The following HENMT1 variants were observed in gnomAD, a reference collection of about 807,000 sequenced individuals.
HENMT1 encodes the protein small RNA 2'-O-methyltransferase.
In HENMT1, 27 loss-of-function variants were observed where a neutral mutation model predicts 31.1. That is an observed-to-expected ratio of 0.87 (90% CI 0.64 to 1.20). The LOEUF is 1.20. Ranked by LOEUF, HENMT1 falls within the 50% of genes most tolerant of loss-of-function variation. The pLI, the probability that HENMT1 is intolerant of heterozygous loss-of-function variation, is 0.00. For synonymous variants in HENMT1, 167 were observed against 172.2 expected, an observed-to-expected ratio of 0.97 and a Z score of 0.24; for missense variants, 438 against 469.6, an observed-to-expected ratio of 0.93 and a Z score of 0.62.
chr1:108,657,169 C>T (rs1467656976), intron 3 of HENMT1, among the ~76,000 whole-genome samples: 1 of 152,150 alleles, frequency 6.6e-6, no homozygotes, highest in African/African-American at 2.4e-5. Context: ...TGCACTACAG[C>T]CTGAGGAAAC....
intron 4 of HENMT1, among the ~76,000 whole-genome samples, chr1:108,655,265 G>A (rs376241753): frequency 1.4e-3 from 209 of 152,208 alleles, no homozygotes; most frequent in African/African-American, 4.9e-3. Flanking sequence ...TGGAGCCTTG[G>A]CCTCAGTGTT....
chr1:108,652,893 G>A lies in HENMT1; in HGVS notation c.399-1684C>T, dbSNP rs187226427. 2.5e-3 allele frequency among the ~76,000 whole-genome samples: 382 copies of A among 151,686 alleles called. 1 individual carries two copies. The highest frequency in any genetic ancestry group is 8.8e-3 in the African/African-American group (365 of 41,406). On this transcript the variant is annotated intron_variant, in intron 5 of 7. Coordinates refer to ENST00000651461, the MANE Select transcript of HENMT1 (RefSeq NM_001102592.2). Reference sequence around the variant, plus strand: ...CAGGAGGCAGAGGTTGCAGTGAGCCGAGATCGCGCCATTGCACTCCAGCCC... The same window carrying A: ...CAGGAGGCAGAGGTTGCAGTGAGCCAAGATCGCGCCATTGCACTCCAGCCC...
intron 3 of HENMT1, among the ~76,000 whole-genome samples, chr1:108,656,635 C>G (rs941785737): frequency 6.6e-6 from 1 of 152,168 alleles, no homozygotes; most frequent in Non-Finnish European, 1.5e-5. Context: ...GCACGCACCA[C>G]CATGCACAGC....
chr1:108,657,171 T>C (rs1421839678), intron 3 of HENMT1, among the ~76,000 whole-genome samples: 2 of 152,166 alleles, frequency 1.3e-5, no homozygotes, highest in African/African-American at 4.8e-5. Context: ...CACTACAGCC[T>C]GAGGAAACAG....
At position 108,651,224 on chromosome 1, in the gene HENMT1, G is replaced by C. The variant is rs1189029507; in HGVS notation, c.399-15C>G. ...AATGTTCTATTCTAAAATGGTTAAT[G>C]AGAAAGACATAATAAAATCTAGCTT... is the stretch of plus-strand genomic sequence containing the variant. On this transcript the variant is annotated splice_polypyrimidine_tract_variant and intron_variant, in intron 5 of 7. Coordinates refer to ENST00000651461, the MANE Select transcript of HENMT1 (RefSeq NM_001102592.2). 6.3e-7 allele frequency: 1 copy of C among 1,594,062 alleles called. No homozygotes were observed. Among genetic ancestry groups the C allele is most frequent in the Non-Finnish European group, 8.6e-7 (1 of 1,168,648 alleles).
intron 7 of HENMT1, 25 bp downstream of exon 7, chr1:108,650,186 T>G (rs376841060): frequency 1.9e-6 from 3 of 1,607,268 alleles, no homozygotes; most frequent in Non-Finnish European, 2.6e-6. Context: ...CTAGCCCTGA[T>G]AGCTATCTCA....
intron 4 of HENMT1, 61 bp from the exon 5 acceptor site, chr1:108,654,911 T>G: frequency 6.6e-7 from 1 of 1,525,072 alleles, no homozygotes; most frequent in African/African-American, 1.4e-5. Flanking sequence ...TCTCACCAGC[T>G]ACAGAACTCA....
rs2100999219 is a variant in HENMT1 at position 108,654,794 on chromosome 1, GTCAAATTCAGA to G, written c.309_319del (p.Leu104HisfsTer19). On this transcript the variant is annotated frameshift_variant, in exon 5 of 8. Transcript: ENST00000651461. LOFTEE classifies it high-confidence loss of function. ...AACGGAGCCATGATACAATGTGATG[GTCAAATTCAGA>G]TCCCGAGGTTTCAGAAAATCCCCCA... is the stretch of plus-strand genomic sequence containing the variant. 6.2e-7 allele frequency: 1 copy of G among 1,614,030 alleles called. No homozygotes were observed. The highest frequency in any genetic ancestry group is 2.2e-5 in the East Asian group (1 of 44,876).
rs750054592 is a variant in HENMT1, at chr1:108,650,433, C to G, written c.579-45G>C. 9.1e-6 allele frequency: 14 copies of G among 1,545,706 alleles called. No homozygotes were observed. In the South Asian group the frequency reaches 1.6e-4, roughly 18 times the overall value. On this transcript the variant is annotated intron_variant, in intron 6 of 7. Coordinates refer to ENST00000651461, the MANE Select transcript of HENMT1 (RefSeq NM_001102592.2). ...AGCAATCATTTTTCTAAATGTAGAG[C>G]TACTGTTAAATAAGGAACCATTTCT...
rs944093185 is a variant in HENMT1, at chr1:108,655,628, A to G, written c.221T>C (p.Leu74Pro). ...LLKVNPCIEL[L>P]VGVDINEDKL... ...ATCCTCATTAATATCTACTCCAACA[A>G]GCAATTCAATGCATGGATTGACTTT... Residue 74 changes from leucine (L) to proline (P), a missense_variant, in exon 4 of 8, where the codon CTT becomes CCT. Leu to Pro is a moderately conservative substitution (Grantham distance 98, BLOSUM62 -3). Coordinates refer to ENST00000651461, the MANE Select transcript of HENMT1 (RefSeq NM_001102592.2). The G allele has an allele frequency of 6.2e-7, 1 of 1,611,894 alleles. No homozygotes were observed. The highest frequency in any genetic ancestry group is 8.5e-7 in the Non-Finnish European group (1 of 1,179,070).
intron 1 of HENMT1, among the ~76,000 whole-genome samples, chr1:108,660,582 A>T (rs1658423005): frequency 6.6e-6 from 1 of 152,236 alleles, no homozygotes; most frequent in Non-Finnish European, 1.5e-5. Flanking sequence ...GTCTCCAACA[A>T]CTAGACTTTA....
chr1:108,650,722 A>G (rs1386620582), intron 6 of HENMT1, among the ~76,000 whole-genome samples: 1 of 152,142 alleles, frequency 6.6e-6, no homozygotes. Flanking sequence ...CTCAGGAGAT[A>G]TCCCGGGGAG....
At position 108,648,903 on chromosome 1, in the gene HENMT1, A is replaced by C. The variant is rs1220341373; in HGVS notation, c.845T>G (p.Leu282Ter). 1 of 1,614,134 alleles carries C rather than the reference A, an allele frequency of 6.2e-7. No homozygotes were observed. The highest frequency in any genetic ancestry group is 8.5e-7 in the Non-Finnish European group (1 of 1,180,006). Residue 282 changes from leucine to a stop codon, truncating the protein, a stop_gained, in exon 8 of 8, where the codon TTA (leucine) becomes TGA (stop). Coordinates refer to ENST00000651461, the MANE Select transcript of HENMT1 (RefSeq NM_001102592.2). LOFTEE classifies it low-confidence loss of function (END_TRUNC). The stretch of plus-strand genomic sequence containing the variant: ...CCGCCTTGGCAGGTGGCTCACTCTT[A>C]AGCTTTCCACTTGTTGGGACACCTC... The part of the protein sequence containing the change: ...VNEVSQQVES[L>*]RVSHLPRRKE...
At chr1:108,651,677 GA>G (rs1658058490) in intron 5 of HENMT1, among the ~76,000 whole-genome samples, 2 of 144,044 alleles carry the variant, frequency 1.4e-5, no homozygotes, top group South Asian at 4.5e-4. Context: ...AGGAAGGAAG[GA>G]AGGAAAGAAA....
At chr1:108,659,064 C>A (rs1658358255) in intron 2 of HENMT1, among the ~76,000 whole-genome samples, 1 of 152,088 alleles carries the variant, frequency 6.6e-6, no homozygotes, top group African/African-American at 2.4e-5. Flanking sequence ...ATTTTAGATT[C>A]TTGTTTTTCA....
rs1215870223 is a variant in HENMT1 at position 108,649,062 on chromosome 1, A to G, written c.757-71T>C. 9 of 1,308,386 alleles carry G rather than the reference A, an allele frequency of 6.9e-6. No individual in the cohort carries two copies. In the East Asian group the frequency reaches 7.5e-5, roughly 11 times the overall value. 81.0% of individuals were successfully genotyped at this position (1,308,386 alleles called of 1,614,324 possible). A position where few individuals can be genotyped will look rare whatever the true frequency, so the allele number is the denominator to read the frequency against. ...CATACATAAATTTTCAAAGCCATCA[A>G]TAACTTTTTTGCCATGTAAGAATAA... On this transcript the variant is annotated intron_variant, in intron 7 of 7. Transcript: ENST00000651461.
In HENMT1 at chr1:108,651,213, A is replaced by C; in HGVS notation, c.399-4T>G. The C allele has an allele frequency of 6.2e-7, 1 of 1,608,136 alleles. No homozygotes were observed. Among genetic ancestry groups the C allele is most frequent in the Non-Finnish European group, 8.5e-7 (1 of 1,177,136 alleles). On this transcript the variant is annotated splice_polypyrimidine_tract_variant and splice_region_variant and intron_variant, in intron 5 of 7. Coordinates refer to ENST00000651461, the MANE Select transcript of HENMT1 (RefSeq NM_001102592.2). The stretch of plus-strand genomic sequence containing the variant: ...ACCTGAATCCAAATGTTCTATTCTA[A>C]AATGGTTAATGAGAAAGACATAATA...
At position 108,651,617 on chromosome 1, in the gene HENMT1, C is replaced by G. The variant is rs1658056728; in HGVS notation, c.399-408G>C. Among the ~76,000 whole-genome samples, 3 of 151,228 alleles carry G rather than the reference C, an allele frequency of 2.0e-5. No homozygotes were observed. The South Asian group carries it at 6.3e-4, about 32-fold the overall frequency. On this transcript the variant is annotated intron_variant, in intron 5 of 7. Coordinates refer to ENST00000651461, the MANE Select transcript of HENMT1 (RefSeq NM_001102592.2). Reference sequence around the variant, plus strand: ...CCAAGATTGCACCATTGCTCTCCAGCCTGGGTGACAAGCAAAACTCAGTCA... The same window carrying G: ...CCAAGATTGCACCATTGCTCTCCAGGCTGGGTGACAAGCAAAACTCAGTCA...
At position 108,657,450 on chromosome 1, in the gene HENMT1, C is replaced by T. The variant is rs955585575; in HGVS notation, c.150+1G>A. The T allele has an allele frequency of 1.3e-6, 2 of 1,597,954 alleles. No homozygotes were observed. Among genetic ancestry groups the T allele is most frequent in the African/African-American group, 1.3e-5 (1 of 74,332 alleles). On this transcript the variant is annotated splice_donor_variant, in intron 3 of 7. Transcript: ENST00000651461. LOFTEE classifies it high-confidence loss of function. ...AAATGTTTGGAAAGAGAAATACCTA[C>T]CTTCTTAGGCTCATGTTGATCCACT... is the stretch of plus-strand genomic sequence containing the variant.
Sources: gnomAD v4.1 joint callset for allele counts (sites outside exome capture counted in the v4.1 genomes callset) on GRCh38, gnomAD v4.1.1 for gene constraint, MANE v1.5 for transcripts, NCBI Gene and HGNC (gene_info 2026-07-23, HGNC 2026-07-21) for gene names.